Variants in MYL1 observed in about 807,000 individuals in gnomAD.
MYL1 encodes the protein myosin light chain 1/3, skeletal muscle isoform.
In MYL1, 16 loss-of-function variants were observed where a neutral mutation model predicts 21.8. The observed-to-expected ratio is 0.74, with a 90% confidence interval of 0.50 to 1.12. The LOEUF is 1.12. Among genes scored for constraint, MYL1 ranks in the 50% most tolerant of loss-of-function variants. MYL1 has a pLI of 0.00. For missense variants in MYL1, 246 were observed against 241.0 expected (o/e 1.02, Z -0.14); for synonymous variants, 99 against 85.2 (o/e 1.16, Z -0.89).
chr2:210,309,228 G>A (rs1229369658), intron 1 of MYL1, among the ~76,000 whole-genome samples: 2 of 151,908 alleles, frequency 1.3e-5, no homozygotes, highest in Admixed American at 6.6e-5. Flanking sequence ...GGGAAAGGAA[G>A]GATGCCTAAA....
chr2:210,307,925 A>C (rs960898215), intron 1 of MYL1, among the ~76,000 whole-genome samples: 3 of 152,194 alleles, frequency 2.0e-5, no homozygotes, highest in Non-Finnish European at 4.4e-5. Context: ...GCTGTTAATC[A>C]AACAGGCTCT....
intron 1 of MYL1, among the ~76,000 whole-genome samples, chr2:210,308,303 T>G (rs2125743946): frequency 6.6e-6 from 1 of 150,836 alleles, no homozygotes; most frequent in South Asian, 2.1e-4. Context: ...AAGCACTATT[T>G]TGGAAGTCTT....
chr2:210,293,402 T>A (rs940521699), intron 5 of MYL1, among the ~76,000 whole-genome samples: 4 of 152,194 alleles, frequency 2.6e-5, no homozygotes, highest in Admixed American at 2.6e-4. Context: ...TAAATGACTT[T>A]GAGATTTCTT....
At chr2:210,308,410 ATATAT>A (rs1690370957) in intron 1 of MYL1, among the ~76,000 whole-genome samples, 4 of 48,336 alleles carry the variant, frequency 8.3e-5, no homozygotes, top group African/African-American at 2.1e-4. Context: ...ATATATATAT[ATATAT>A]ATATATATAT....
intron 1 of MYL1, among the ~76,000 whole-genome samples, chr2:210,308,174 CTCTGAT>C (rs1690366117): frequency 3.3e-5 from 5 of 151,610 alleles, no homozygotes; most frequent in Admixed American, 2.0e-4. Context: ...GCTGTGTGCT[CTCTGAT>C]TTAACGCCTG....
intron 1 of MYL1, among the ~76,000 whole-genome samples, chr2:210,314,485 G>A (rs1266658586): frequency 6.6e-6 from 1 of 152,174 alleles, no homozygotes; most frequent in African/African-American, 2.4e-5. Flanking sequence ...GCCATCAGCT[G>A]TTTTTAAACT....
intron 1 of MYL1, among the ~76,000 whole-genome samples, chr2:210,307,882 C>A (rs1690360098): frequency 6.6e-6 from 1 of 152,012 alleles, no homozygotes; most frequent in African/African-American, 2.4e-5. Context: ...ACCAACCTAA[C>A]AAAGAATTGA....
At chr2:210,291,690 T>C (rs1047862968) in intron 5 of MYL1, among the ~76,000 whole-genome samples, 1 of 152,212 alleles carries the variant, frequency 6.6e-6, no homozygotes, top group Non-Finnish European at 1.5e-5. Flanking sequence ...CCCTATTTTT[T>C]AGGGCTGCAG....
chr2:210,290,921 C>T (rs904080434), intron 6 of MYL1, 111 bp downstream of exon 6: 12 of 557,348 alleles, frequency 2.2e-5, no homozygotes, highest in Middle Eastern at 4.7e-4. Context: ...ATATAAATAT[C>T]TCGTAATTAA....
At position 210,291,027 on chromosome 2, in the gene MYL1, T is replaced by C; in HGVS notation, c.*14+5A>G. 6.3e-7 allele frequency: 1 copy of C among 1,596,428 alleles called. No individual in the cohort carries two copies. Among genetic ancestry groups the C allele is most frequent in the Non-Finnish European group, 8.6e-7 (1 of 1,166,958 alleles). ...TTAAATATTAAAGAGGGAACTGGTA[T>C]ATACCTTGAGAGCTCCATTCAGATA... is the stretch of plus-strand genomic sequence containing the variant. On this transcript the variant is annotated splice_donor_5th_base_variant and intron_variant, in intron 6 of 6. Transcript: ENST00000352451.
At chr2:210,294,441 G>C in intron 3 of MYL1, 23 bp from the exon 4 acceptor site, 1 of 1,606,246 alleles carries the variant, frequency 6.2e-7, no homozygotes, top group Non-Finnish European at 8.5e-7. Context: ...GCAATTTTGA[G>C]GGTTATTAGC....
chr2:210,302,819 G>A (rs1559662083), intron 1 of MYL1: 5 of 1,550,052 alleles, frequency 3.2e-6, no homozygotes, highest in African/African-American at 2.7e-5. Flanking sequence ...GAGAAAGAAA[G>A]AAAAAAAACT....
intron 1 of MYL1, 81 bp from the exon 2 acceptor site, chr2:210,302,596 C>A: frequency 6.5e-7 from 1 of 1,529,462 alleles, no homozygotes. Flanking sequence ...AGCTCATTCC[C>A]TGAGTAATCT....
chr2:210,313,613 AT>A (rs201493559), intron 1 of MYL1, among the ~76,000 whole-genome samples: 1,648 of 152,000 alleles, frequency 0.011, 26 homozygotes, highest in African/African-American at 0.037. Context: ...TCCATGACCA[AT>A]TTTTTTCAAA....
chr2:210,293,647 A>T, intron 5 of MYL1, 76 bp downstream of exon 5: 1 of 1,222,524 alleles, frequency 8.2e-7, no homozygotes, highest in Non-Finnish European at 1.2e-6. Flanking sequence ...GGAAGAGGAA[A>T]AGAAGCTCAA....
chr2:210,313,247 A>G (rs572265242), intron 1 of MYL1, among the ~76,000 whole-genome samples: 1 of 152,102 alleles, frequency 6.6e-6, no homozygotes, highest in Non-Finnish European at 1.5e-5. Context: ...TTTTCTTTAC[A>G]GAAGTTTGTA....
chr2:210,296,483 G>A (rs1185878774), intron 3 of MYL1, among the ~76,000 whole-genome samples: 2 of 152,036 alleles, frequency 1.3e-5, no homozygotes, highest in Non-Finnish European at 2.9e-5. Flanking sequence ...GTTGGGAAGT[G>A]GCATTTAAAA....
chr2:210,308,966 A>T (rs1226369363), intron 1 of MYL1, among the ~76,000 whole-genome samples: 1 of 152,072 alleles, frequency 6.6e-6, no homozygotes, highest in Non-Finnish European at 1.5e-5. Context: ...GACCGCAGGG[A>T]TAAGAATATT....
At chr2:210,292,825 GA>G in intron 5 of MYL1, among the ~76,000 whole-genome samples, 1 of 152,234 alleles carries the variant, frequency 6.6e-6, no homozygotes, top group Admixed American at 6.5e-5. Context: ...TTATTTTCTA[GA>G]TGACTGTCCA....
Sources: gnomAD v4.1 joint callset for allele counts (sites outside exome capture counted in the v4.1 genomes callset) on GRCh38, gnomAD v4.1.1 for gene constraint, MANE v1.5 for transcripts, NCBI Gene and HGNC (gene_info 2026-07-23, HGNC 2026-07-21) for gene names.